Variants in ZNF529 observed in about 807,000 individuals in gnomAD.
ZNF529 encodes the protein zinc finger protein 529.
In ZNF529, 11 loss-of-function variants were observed where a neutral mutation model predicts 10.1. The observed-to-expected ratio is 1.09, with a 90% CI of 0.69 to 1.81. The LOEUF is 1.81. Among genes scored for constraint, ZNF529 ranks in the 40% most tolerant of loss-of-function variants. The probability of loss-of-function intolerance (pLI) is 0.00; values close to 1 mark genes in which losing one functional copy is unlikely to be tolerated. For synonymous variants in ZNF529, 204 were observed against 215.7 expected, an observed-to-expected ratio of 0.95 and a Z score of 0.47; for missense variants, 624 against 666.8, an observed-to-expected ratio of 0.94 and a Z score of 0.71.
chr19:36,602,768 T>A (rs1244734770), intron 1 of ZNF529, among the ~76,000 whole-genome samples: 1 of 151,910 alleles, frequency 6.6e-6, no homozygotes, highest in African/African-American at 2.4e-5. Flanking sequence ...CCGTCTCTAC[T>A]AAAAATACAA....
intron 1 of ZNF529, among the ~76,000 whole-genome samples, chr19:36,589,900 G>A (rs953910894): frequency 3.3e-5 from 5 of 152,072 alleles, no homozygotes; most frequent in African/African-American, 9.7e-5. Context: ...GATCAAAATC[G>A]TACACAATGT....
At chr19:36,602,935 G>A (rs371772913) in intron 1 of ZNF529, among the ~76,000 whole-genome samples, 316 of 136,140 alleles carry the variant, frequency 2.3e-3, no homozygotes, top group Non-Finnish European at 2.6e-3. Flanking sequence ...CGTCTCAAAA[G>A]AAAAAAAAAA....
intron 4 of ZNF529, among the ~76,000 whole-genome samples, chr19:36,550,395 A>T (rs1325654858): frequency 1.3e-5 from 2 of 152,124 alleles, no homozygotes; most frequent in African/African-American, 2.4e-5. Context: ...ATACAAAAAA[A>T]CTTAGCTAGG....
upstream of ZNF529, chr19:36,574,775 T>G (rs1790297691): frequency 2.1e-6 from 1 of 469,798 alleles, no homozygotes; most frequent in Non-Finnish European, 4.4e-6. Context: ...TATACCACAA[T>G]TTGTGTAGTC....
intron 2 of ZNF529, among the ~76,000 whole-genome samples, chr19:36,558,124 G>T (rs187203426): frequency 1.3e-5 from 2 of 152,014 alleles, no homozygotes; most frequent in African/African-American, 4.8e-5. Context: ...TAATAGCAAT[G>T]GTATAATCTG....
chr19:36,576,485 G>A (rs1176909233), upstream of ZNF529, among the ~76,000 whole-genome samples: 1 of 152,066 alleles, frequency 6.6e-6, no homozygotes, highest in Non-Finnish European at 1.5e-5. Flanking sequence ...TTGGGAGGCT[G>A]AGGCAGGTGG....
chr19:36,548,347 T>C (rs2035132572), intron 4 of ZNF529, 25 bp from the exon 5 acceptor site: 1 of 1,486,714 alleles, frequency 6.7e-7, no homozygotes, highest in Non-Finnish European at 8.9e-7. Flanking sequence ...AAAATAATTT[T>C]CATGTACTAC....
chr19:36,598,405 A>T (rs2036873507), intron 1 of ZNF529, among the ~76,000 whole-genome samples: 1 of 151,846 alleles, frequency 6.6e-6, no homozygotes, highest in African/African-American at 2.4e-5. Flanking sequence ...CCAGCTACTC[A>T]GGAGGCTGAG....
At chr19:36,572,222 T>C (rs528626212) in intron 2 of ZNF529, 111 bp downstream of exon 2, 1 of 1,093,392 alleles carries the variant, frequency 9.1e-7, no homozygotes, top group Admixed American at 2.3e-5. Context: ...GAAAGGGAAA[T>C]GGGCATTTGG....
At chr19:36,599,266 T>A (rs1357124385) in intron 1 of ZNF529, among the ~76,000 whole-genome samples, 1 of 152,200 alleles carries the variant, frequency 6.6e-6, no homozygotes, top group East Asian at 1.9e-4. Context: ...AATACATACA[T>A]ACATATATAA....
chr19:36,553,302 AT>A (rs941996964), intron 4 of ZNF529, among the ~76,000 whole-genome samples: 2 of 151,932 alleles, frequency 1.3e-5, no homozygotes, highest in African/African-American at 2.4e-5. Flanking sequence ...TGCCCAGCTG[AT>A]TTTTTTATAT....
chr19:36,579,936 G>A (rs2912412), intron 2 of ZNF529, among the ~76,000 whole-genome samples: 105,437 of 152,076 alleles, frequency 0.69, 36,976 homozygotes, highest in African/African-American at 0.79. Context: ...GAATTGTAGT[G>A]ACTCTTCACT....
Position 36,572,393 on chromosome 19 carries a change from C to CACCATCGTCCGCAGCTCCCGCG in ZNF529, c.-46-2_-46-1insCGCGGGAGCTGCGGACGATGGT. On this transcript the variant is annotated splice_acceptor_variant, in intron 1 of 4. Transcript: ENST00000591340. LOFTEE classifies it low-confidence loss of function (5UTR_SPLICE). Reference sequence around the variant, plus strand: ...CTTCAGGGGGCCTTCACTTGCAGAACTACATAACCAAGAGGGAGAAAGGAC... The same window carrying CACCATCGTCCGCAGCTCCCGCG: ...CTTCAGGGGGCCTTCACTTGCAGAACACCATCGTCCGCAGCTCCCGCGTACATAACCAAGAGGGAGAAAGGAC... 6.5e-7 allele frequency: 1 copy of CACCATCGTCCGCAGCTCCCGCG among 1,549,916 alleles called. No individual in the cohort carries two copies.
chr19:36,602,441 T>C (rs1000165260), intron 1 of ZNF529, among the ~76,000 whole-genome samples: 9 of 131,684 alleles, frequency 6.8e-5, no homozygotes, highest in Non-Finnish European at 1.5e-4. Context: ...AATATTACTC[T>C]CCTTTTTTTT....
At chr19:36,571,543 C>T (rs1270024095) in intron 2 of ZNF529, among the ~76,000 whole-genome samples, 1 of 151,828 alleles carries the variant, frequency 6.6e-6, no homozygotes, top group Admixed American at 6.6e-5. Flanking sequence ...GGCATGGTGG[C>T]GGGCGCCTGT....
At chr19:36,590,644 C>A (rs1244781076) in intron 1 of ZNF529, among the ~76,000 whole-genome samples, 1 of 151,948 alleles carries the variant, frequency 6.6e-6, no homozygotes, top group Non-Finnish European at 1.5e-5. Flanking sequence ...ATTGATAAAA[C>A]CTTGGGTGGG....
Position 36,600,562 on chromosome 19 carries a change from T to C in ZNF529, c.-128+4564A>G, listed in dbSNP as rs189727152. The stretch of plus-strand genomic sequence containing the variant: ...ACTGACTGACTTAATATTTACATAA[T>C]ACAGGAAATTGTTTTTGGACAAACT... On this transcript the variant is annotated intron_variant, in intron 1 of 4. Transcript: ENST00000585960. 2.5e-3 allele frequency among the ~76,000 whole-genome samples: 382 copies of C among 152,308 alleles called. 1 individual carries two copies. The highest frequency in any genetic ancestry group is 8.6e-3 in the African/African-American group (357 of 41,576).
chr19:36,547,115 C>G lies in ZNF529; in HGVS notation c.1443G>C (p.Lys481Asn). The G allele has an allele frequency of 6.2e-7, 1 of 1,613,724 alleles. No individual in the cohort carries two copies. The highest frequency in any genetic ancestry group is 8.5e-7 in the Non-Finnish European group (1 of 1,179,904). ...IHSGEKPYECKVCGKAFRHSS... is the reference protein window; with the variant it reads ...IHSGEKPYECNVCGKAFRHSS... ...TATGTCTAAAGGCCTTCCCACATACCTTACATTCATAAGGTTTCTCACCAC... is the reference window on the plus strand; with the variant it reads ...TATGTCTAAAGGCCTTCCCACATACGTTACATTCATAAGGTTTCTCACCAC... The change falls in exon 5 of 5, where the codon AAG (lysine) becomes AAC (asparagine). Residue 481 changes from lysine (K) to asparagine (N), a missense_variant. By Grantham distance (94) the Lys-to-Asn change is moderately conservative (BLOSUM62 0). Coordinates refer to ENST00000591340, the MANE Select transcript of ZNF529 (RefSeq NM_020951.5).
At chr19:36,576,791 A>G (rs1334484479), upstream of ZNF529, among the ~76,000 whole-genome samples, 2 of 151,920 alleles carry the variant, frequency 1.3e-5, no homozygotes, top group South Asian at 2.1e-4. Context: ...AAACAGAAAC[A>G]TATTCCCTTG....
Sources: allele counts gnomAD v4.1 joint callset (sites outside exome capture counted in the v4.1 genomes callset), GRCh38; gene constraint gnomAD v4.1.1; transcripts MANE v1.5; gene names NCBI Gene and HGNC (gene_info 2026-07-23, HGNC 2026-07-21).